Variants in RAB28 observed in about 807,000 individuals in gnomAD.
RAB28 encodes ras-related protein Rab-28.
In RAB28, 24 loss-of-function variants were observed where a neutral mutation model predicts 31.7. The observed-to-expected ratio is 0.76, with a 90% CI of 0.55 to 1.06. The LOEUF (loss-of-function observed/expected upper bound fraction) is 1.06, where lower values mean the gene tolerates loss of function less well. Ranked by LOEUF, RAB28 falls within the 50% of genes least tolerant of loss-of-function variation. The pLI is 0.00. For missense variants in RAB28, 254 were observed against 258.5 expected (o/e 0.98, Z 0.12); for synonymous variants, 100 against 90.4 (o/e 1.11, Z -0.60).
intron 4 of RAB28, among the ~76,000 whole-genome samples, chr4:13,384,350 G>C (rs1009972205): frequency 6.6e-6 from 1 of 152,184 alleles, no homozygotes; most frequent in African/African-American, 2.4e-5. Context: ...CCCTGCTGCA[G>C]TTGATGAGTG....
intron 4 of RAB28, among the ~76,000 whole-genome samples, chr4:13,412,695 G>GA (rs1003183278): frequency 1.3e-5 from 2 of 151,852 alleles, no homozygotes; most frequent in Non-Finnish European, 2.9e-5. Context: ...AAAAGAATAA[G>GA]AAAAAAACTA....
chr4:13,422,565 C>G (rs1299689494), intron 4 of RAB28, among the ~76,000 whole-genome samples: 1 of 152,116 alleles, frequency 6.6e-6, no homozygotes, highest in Non-Finnish European at 1.5e-5. Context: ...AAATACTATG[C>G]AGCCATAAAA....
At chr4:13,373,191 T>C (rs142239096) in intron 6 of RAB28, among the ~76,000 whole-genome samples, 147 of 152,256 alleles carry the variant, frequency 9.7e-4, no homozygotes, top group South Asian at 3.3e-3. Context: ...ATCTAATGCA[T>C]TCTTAAAGAG....
At chr4:13,465,361 G>GAA (rs141558696) in intron 3 of RAB28, among the ~76,000 whole-genome samples, 48 of 141,364 alleles carry the variant, frequency 3.4e-4, no homozygotes, top group African/African-American at 1.1e-3. Flanking sequence ...TTGCTCAAAA[G>GAA]AAAAAAAAAA....
Position 13,381,469 on chromosome 4 carries a change from C to T in RAB28, c.495+22G>A, listed in dbSNP as rs745577687. On this transcript the variant is annotated intron_variant, in intron 5 of 6. Transcript: ENST00000330852. ...GTAAATAAAAGGAAAACATCACATA[C>T]AGTATTCATTATTTTACTTACAGAG... The T allele has an allele frequency of 1.3e-5, 20 of 1,489,454 alleles. No individual in the cohort carries two copies. In the East Asian group the frequency reaches 3.2e-4, roughly 24 times the overall value. The allele number at this position is 1,489,454 out of a possible 1,614,324, so 92.3% of individuals were successfully genotyped here. A position where few individuals can be genotyped will look rare whatever the true frequency, so the allele number is the denominator to read the frequency against.
chr4:13,407,251 TA>T (rs1362610358), intron 4 of RAB28, among the ~76,000 whole-genome samples: 1 of 152,136 alleles, frequency 6.6e-6, no homozygotes, highest in East Asian at 1.9e-4. Context: ...CAACACCATT[TA>T]TTAAACAGAG....
chr4:13,385,407 C>A (rs1284596986), intron 4 of RAB28, among the ~76,000 whole-genome samples: 3 of 152,020 alleles, frequency 2.0e-5, no homozygotes, highest in South Asian at 4.2e-4. Context: ...ATCATCAGAT[C>A]CTCCAAGGTT....
chr4:13,463,060 A>T (rs529982104), intron 3 of RAB28, among the ~76,000 whole-genome samples: 4 of 152,326 alleles, frequency 2.6e-5, no homozygotes, highest in African/African-American at 9.6e-5. Context: ...AAGTGAAATA[A>T]CAAAAGTACT....
chr4:13,473,426 C>G (rs1020517849), intron 3 of RAB28, among the ~76,000 whole-genome samples: 6 of 151,798 alleles, frequency 4.0e-5, no homozygotes, highest in Non-Finnish European at 8.8e-5. Context: ...ACATACAGAG[C>G]TCAGTAAGCA....
chr4:13,370,171 G>C, intron 6 of RAB28: 1 of 980,996 alleles, frequency 1.0e-6, no homozygotes, highest in Non-Finnish European at 1.2e-6. Flanking sequence ...AAAAGGAAAG[G>C]AACAAAGACC....
At chr4:13,431,671 C>A (rs973815309) in intron 4 of RAB28, among the ~76,000 whole-genome samples, 5 of 151,970 alleles carry the variant, frequency 3.3e-5, no homozygotes, top group African/African-American at 1.2e-4. Flanking sequence ...CAGAAACTAC[C>A]CACAACCAAG....
intron 4 of RAB28, among the ~76,000 whole-genome samples, chr4:13,427,723 C>T (rs1383402238): frequency 6.6e-6 from 1 of 152,086 alleles, no homozygotes; most frequent in African/African-American, 2.4e-5. Context: ...GAAAAATTCC[C>T]AGAATGCAAA....
At chr4:13,466,346 C>T (rs1577241448) in intron 3 of RAB28, among the ~76,000 whole-genome samples, 1 of 151,952 alleles carries the variant, frequency 6.6e-6, no homozygotes, top group East Asian at 1.9e-4. Context: ...ATACGAGGAA[C>T]TCAAACAACT....
At chr4:13,392,841 A>C (rs372707253) in intron 4 of RAB28, among the ~76,000 whole-genome samples, 2 of 152,342 alleles carry the variant, frequency 1.3e-5, no homozygotes, top group East Asian at 1.9e-4. Flanking sequence ...ATTTAAAAAC[A>C]TAATGCTGTA....
At chr4:13,447,986 G>C (rs1309285808) in intron 4 of RAB28, among the ~76,000 whole-genome samples, 1 of 152,040 alleles carries the variant, frequency 6.6e-6, no homozygotes, top group Non-Finnish European at 1.5e-5. Flanking sequence ...AAGATGCTTA[G>C]GTATTATTCA....
chr4:13,415,938 C>T (rs1406811886), intron 4 of RAB28, among the ~76,000 whole-genome samples: 1 of 152,180 alleles, frequency 6.6e-6, no homozygotes, highest in Non-Finnish European at 1.5e-5. Flanking sequence ...GGTTTGTAAA[C>T]ACACCAATCA....
chr4:13,467,327 C>T (rs144226323), intron 3 of RAB28, among the ~76,000 whole-genome samples: 1 of 150,800 alleles, frequency 6.6e-6, no homozygotes, highest in African/African-American at 2.4e-5. Context: ...TAAAATTTAA[C>T]ATTTTTTAAA....
intron 4 of RAB28, among the ~76,000 whole-genome samples, chr4:13,397,014 TAAAAC>T (rs1729899669): frequency 6.6e-6 from 1 of 152,090 alleles, no homozygotes; most frequent in African/African-American, 2.4e-5. Flanking sequence ...AAGCACATAA[TAAAAC>T]AACCACTCAC....
chr4:13,484,058 G>A lies in RAB28; in HGVS notation c.75+18C>T, dbSNP rs1442140976. 4.4e-6 allele frequency: 7 copies of A among 1,581,374 alleles called. No individual in the cohort carries two copies. The highest frequency in any genetic ancestry group is 5.2e-6 in the Non-Finnish European group (6 of 1,164,214). On this transcript the variant is annotated intron_variant, in intron 1 of 6. Transcript: ENST00000330852. ...GGTTCCTGCAGGCCTGGGACGGCGG[G>A]CCTGCTCGAGGACTGACCTTCCCGG...
Sources: gnomAD v4.1 joint callset for allele counts (sites outside exome capture counted in the v4.1 genomes callset) on GRCh38, gnomAD v4.1.1 for gene constraint, MANE v1.5 for transcripts, NCBI Gene and HGNC (gene_info 2026-07-23, HGNC 2026-07-21) for gene names.